The following PIGN variants were observed in gnomAD, a reference collection of about 807,000 sequenced individuals.
PIGN encodes the protein GPI ethanolamine phosphate transferase 1.
A neutral mutation model predicts 125.4 loss-of-function variants in PIGN; 117 were observed. The ratio of observed to expected loss-of-function variants is 0.93; its 90% CI spans 0.80 to 1.09. The LOEUF (loss-of-function observed/expected upper bound fraction) is 1.09. Ranked by LOEUF, PIGN falls within the 50% of genes least tolerant of loss-of-function variation. The pLI, the probability that PIGN is intolerant of heterozygous loss-of-function variation, is 0.00. For synonymous variants in PIGN, 392 were observed against 377.8 expected (o/e 1.04, Z -0.44); for missense variants, 1,075 against 1,094.9 (o/e 0.98, Z 0.26).
At position 62,043,929 on chromosome 18, in the gene PIGN, C is replaced by G. The variant is rs1275236080; in HGVS notation, c.*1927G>C. ...TTAAATAGAAATACTTTTTCCCTAACTCGTTTCTTTTTTCTGTTTTGCAAC... is the reference window on the plus strand; with the variant it reads ...TTAAATAGAAATACTTTTTCCCTAAGTCGTTTCTTTTTTCTGTTTTGCAAC... On this transcript the variant is annotated 3_prime_UTR_variant, in exon 31 of 31. Coordinates refer to ENST00000640252, the MANE Select transcript of PIGN (RefSeq NM_176787.5). 1 of 152,170 alleles carries G rather than the reference C, an allele frequency of 6.6e-6. No homozygotes were observed. The highest frequency in any genetic ancestry group is 2.4e-5 in the African/African-American group (1 of 41,438). 9.4% of individuals were successfully genotyped at this position (152,170 alleles called of 1,614,324 possible).
In PIGN at chr18:62,045,896, T is replaced by C. The variant is rs767071653; in HGVS notation, c.2756A>G (p.Lys919Arg). 2 of 1,613,746 alleles carry C rather than the reference T, an allele frequency of 1.2e-6. No individual in the cohort carries two copies. The highest frequency in any genetic ancestry group is 1.7e-5 in the Admixed American group (1 of 59,984). ...TTTGGGTTTGCCACATAGTCTGAGT[T>C]TCTTCGTTGTGAGCAGCTGGGCCAG... ...NGLAQLLTTK[K>R]LRLCGKPKSH... The change falls in exon 31 of 31, where the codon AAA becomes AGA. Residue 919 changes from lysine to arginine, a missense_variant. This residue lies in a region of PIGN where 915 missense variants were observed against 908.7 expected (regional missense o/e 1.01). Transcript: ENST00000640252.
intron 30 of PIGN, among the ~76,000 whole-genome samples, chr18:62,063,818 T>C (rs1446015177): frequency 6.7e-6 from 1 of 149,854 alleles, no homozygotes. Context: ...CTGAGCAAAC[T>C]ATTGTGAGGA....
intron 28 of PIGN, among the ~76,000 whole-genome samples, chr18:62,077,480 T>C (rs990523385): frequency 6.6e-6 from 1 of 152,226 alleles, no homozygotes; most frequent in Non-Finnish European, 1.5e-5. Context: ...AAGATAATTA[T>C]ATTACTGTGT....
At chr18:62,089,442 C>T (rs1194948776) in intron 24 of PIGN, among the ~76,000 whole-genome samples, 3 of 152,082 alleles carry the variant, frequency 2.0e-5, no homozygotes, top group Non-Finnish European at 4.4e-5. Context: ...TCCTACTTCC[C>T]ATGTAATTTT....
intron 1 of PIGN, among the ~76,000 whole-genome samples, chr18:62,165,367 G>T (rs1326711796): frequency 6.6e-6 from 1 of 152,118 alleles, no homozygotes; most frequent in Non-Finnish European, 1.5e-5. Flanking sequence ...CCAGTTTCAG[G>T]TATTCTGTTA....
At chr18:62,178,061 T>A (rs1027917605) in intron 1 of PIGN, among the ~76,000 whole-genome samples, 1 of 152,060 alleles carries the variant, frequency 6.6e-6, no homozygotes, top group Non-Finnish European at 1.5e-5. Flanking sequence ...AGCCTCTACA[T>A]TGGTCACTCA....
chr18:62,175,589 A>C (rs1222189464), intron 1 of PIGN, among the ~76,000 whole-genome samples: 1 of 152,022 alleles, frequency 6.6e-6, no homozygotes, highest in Non-Finnish European at 1.5e-5. Context: ...TCACCTCATT[A>C]TGGCATCCCA....
At chr18:62,096,707 G>C (rs556242862) in intron 22 of PIGN, among the ~76,000 whole-genome samples, 18 of 81,594 alleles carry the variant, frequency 2.2e-4, no homozygotes, top group African/African-American at 9.6e-4. Context: ...ACAGTCCCCA[G>C]AGTGTGATAT....
chr18:62,069,241 T>C (rs777349790), intron 30 of PIGN, among the ~76,000 whole-genome samples: 14 of 152,094 alleles, frequency 9.2e-5, no homozygotes, highest in Non-Finnish European at 1.6e-4. Context: ...TTAAAGAAAA[T>C]CTAAAATTCT....
At chr18:62,037,786 C>A (rs114665413), downstream of PIGN, among the ~76,000 whole-genome samples, 3 of 152,258 alleles carry the variant, frequency 2.0e-5, no homozygotes, top group African/African-American at 7.2e-5. Flanking sequence ...TGAGTAGAGC[C>A]TAAGACATCC....
chr18:62,027,383 C>T (rs145724155), intron 23 of PIGN, among the ~76,000 whole-genome samples: 125 of 152,244 alleles, frequency 8.2e-4, no homozygotes, highest in African/African-American at 2.8e-3. Flanking sequence ...GAGGTCCTGA[C>T]GACATGTGCC....
intron 14 of PIGN, among the ~76,000 whole-genome samples, chr18:62,120,590 C>G (rs144264393): frequency 6.6e-6 from 1 of 151,682 alleles, no homozygotes; most frequent in African/African-American, 2.4e-5. Flanking sequence ...ACAATAACAT[C>G]AAAGGTATGA....
intron 30 of PIGN, among the ~76,000 whole-genome samples, chr18:62,057,758 A>G (rs530555100): frequency 1.2e-4 from 19 of 152,326 alleles, no homozygotes; most frequent in East Asian, 9.6e-4. Flanking sequence ...TCTCCTGACC[A>G]TGTTTTCCCT....
intron 14 of PIGN, among the ~76,000 whole-genome samples, chr18:62,115,510 A>T (rs1199836085): frequency 1.3e-5 from 2 of 152,186 alleles, no homozygotes; most frequent in African/African-American, 4.8e-5. Context: ...TTGATGTTTC[A>T]TAGGCCAAAA....
chr18:62,098,495 C>G (rs1185841873), intron 22 of PIGN, among the ~76,000 whole-genome samples: 1 of 152,284 alleles, frequency 6.6e-6, no homozygotes, highest in East Asian at 1.9e-4. Flanking sequence ...AAACTGTACA[C>G]ATTTTCTGTC....
intron 14 of PIGN, among the ~76,000 whole-genome samples, chr18:62,126,714 A>T (rs1279608196): frequency 6.6e-6 from 1 of 152,104 alleles, no homozygotes; most frequent in African/African-American, 2.4e-5. Flanking sequence ...GGGTATGGAT[A>T]ATTTCCAAAA....
At chr18:62,134,222 AT>A (rs2035845275) in intron 14 of PIGN, among the ~76,000 whole-genome samples, 1 of 151,606 alleles carries the variant, frequency 6.6e-6, no homozygotes. Context: ...GTGAAACCCC[AT>A]CTCTACTAAA....
chr18:62,088,453 A>G (rs1293050923), intron 25 of PIGN: 1 of 170,030 alleles, frequency 5.9e-6, no homozygotes, highest in African/African-American at 2.4e-5. Context: ...GAGTTGAAAG[A>G]CTTTGGCTTT....
chr18:62,137,365 G>C, intron 14 of PIGN: 1 of 371,630 alleles, frequency 2.7e-6, no homozygotes, highest in Non-Finnish European at 4.8e-6. Flanking sequence ...TCCTCATATT[G>C]CAGACGGTCT....
Sources: gnomAD v4.1 joint callset for allele counts (sites outside exome capture counted in the v4.1 genomes callset) on GRCh38, gnomAD v4.1.1 for gene constraint, gnomAD v4.1.1 regional missense constraint, MANE v1.5 for transcripts, NCBI Gene and HGNC (gene_info 2026-07-23, HGNC 2026-07-21) for gene names.